Variants in FBN1 observed in about 807,000 individuals in gnomAD.
FBN1 encodes the protein fibrillin 1.
A neutral mutation model predicts 365.1 loss-of-function variants in FBN1; 29 were observed. The observed-to-expected ratio is 0.08, with a 90% CI of 0.06 to 0.11. The LOEUF is 0.11. FBN1 is among the 10% of genes least tolerant of loss of function. The pLI is 1.00. For missense variants in FBN1, 2,476 were observed against 3,703.2 expected, an observed-to-expected ratio of 0.67 and a Z score of 8.60; for synonymous variants, 1,210 against 1,270.5, an observed-to-expected ratio of 0.95 and a Z score of 1.01.
At chr15:48,441,932 G>T in intron 49 of FBN1, 86 bp from the exon 50 acceptor site, 3 of 1,431,462 alleles carry the variant, frequency 2.1e-6, no homozygotes, top group Non-Finnish European at 9.8e-7. Flanking sequence ...CACACAAAGG[G>T]CAACTGAGTT....
intron 4 of FBN1, among the ~76,000 whole-genome samples, chr15:48,605,608 C>T (rs1292379513): frequency 6.6e-6 from 1 of 152,220 alleles, no homozygotes; most frequent in African/African-American, 2.4e-5. Context: ...CACAGTGGCT[C>T]ATGCCTGTAA....
At chr15:48,467,854 A>G in intron 38 of FBN1, 84 bp downstream of exon 38, 1 of 1,225,902 alleles carries the variant, frequency 8.2e-7, no homozygotes, top group Non-Finnish European at 1.2e-6. Context: ...CTCTGATCTA[A>G]GAGTAGAAAA....
chr15:48,592,816 T>C (rs996759211), intron 6 of FBN1, among the ~76,000 whole-genome samples: 5 of 152,152 alleles, frequency 3.3e-5, no homozygotes, highest in African/African-American at 4.8e-5. Context: ...CAATAGGTAG[T>C]GGTGGGGACT....
chr15:48,562,727 T>C (rs189224333), intron 6 of FBN1, among the ~76,000 whole-genome samples: 1 of 152,272 alleles, frequency 6.6e-6, no homozygotes. Context: ...TGCCTGCCCA[T>C]GGTTTGAGGA....
intron 6 of FBN1, among the ~76,000 whole-genome samples, chr15:48,551,820 C>T (rs2044144450): frequency 1.3e-5 from 2 of 152,168 alleles, no homozygotes. Context: ...GCCTCTAGCT[C>T]TATCCATGTC....
At chr15:48,498,236 C>A (rs2043623930) in intron 18 of FBN1, among the ~76,000 whole-genome samples, 1 of 151,902 alleles carries the variant, frequency 6.6e-6, no homozygotes, top group African/African-American at 2.4e-5. Flanking sequence ...ACTCCTTATT[C>A]GTTATAAGTT....
In FBN1 at chr15:48,495,486, G is replaced by A; in HGVS notation, c.2522C>T (p.Thr841Ile). The A allele has an allele frequency of 6.2e-7, 1 of 1,613,900 alleles. No homozygotes were observed. Among genetic ancestry groups the A allele is most frequent in the Non-Finnish European group, 8.5e-7 (1 of 1,179,932 alleles). ...ECSSESTLDP[T>I]KTICIETIKG... The stretch of plus-strand genomic sequence containing the variant: ...ATAAATACCTATGCAGATGGTTTTT[G>A]TTGGATCCAAAGTACTTTCAGAAGA... Residue 841 changes from threonine (T) to isoleucine (I), a missense_variant, in exon 21 of 66, where the codon ACA becomes ATA. Around this residue, in one of 5 missense-constraint regions of FBN1, gnomAD observed 1,780 missense variants for 2,840.8 expected, o/e 0.63. Transcript: ENST00000316623.
In FBN1 at chr15:48,437,922, A is replaced by G. The variant is rs2043085940; in HGVS notation, c.6164-5T>C. 1.9e-6 allele frequency: 3 copies of G among 1,613,420 alleles called. No individual in the cohort carries two copies. The highest frequency in any genetic ancestry group is 3.3e-5 in the Admixed American group (2 of 59,950). On this transcript the variant is annotated splice_region_variant and splice_polypyrimidine_tract_variant and intron_variant, in intron 50 of 65. Coordinates refer to ENST00000316623, the MANE Select transcript of FBN1 (RefSeq NM_000138.5). ...AACAGTAGCTCATTCGCAAATCTGC[A>G]GCATAAATTTATGACACCCTTCAGT...
intron 8 of FBN1, among the ~76,000 whole-genome samples, chr15:48,532,573 G>C (rs918037126): frequency 7.9e-5 from 12 of 151,668 alleles, no homozygotes; most frequent in African/African-American, 2.9e-4. Context: ...CTAGGAAAGA[G>C]GACAATGTAA....
chr15:48,499,095 T>C lies in FBN1; in HGVS notation c.2114-57A>G, dbSNP rs1042027133. The C allele has an allele frequency of 1.5e-5, 23 of 1,569,674 alleles. No individual in the cohort carries two copies. In the Admixed American group the frequency reaches 3.2e-4, roughly 22 times the overall value. The stretch of plus-strand genomic sequence containing the variant: ...CCTTGTTTGCAGAACAGGTAGATCC[T>C]GCCCTTGGTTTTGCACACATCATTT... On this transcript the variant is annotated intron_variant, in intron 17 of 65. Transcript: ENST00000316623.
chr15:48,485,248 A>T, intron 30 of FBN1, 126 bp downstream of exon 30: 1 of 1,212,598 alleles, frequency 8.2e-7, no homozygotes, highest in South Asian at 1.3e-5. Flanking sequence ...TTGATTAAGG[A>T]TACAGTTAAA....
At chr15:48,609,701 C>A (rs1162807818) in intron 4 of FBN1, among the ~76,000 whole-genome samples, 1 of 152,218 alleles carries the variant, frequency 6.6e-6, no homozygotes, top group Non-Finnish European at 1.5e-5. Flanking sequence ...GCCCTGCATG[C>A]AGACCTGGCA....
Position 48,415,564 on chromosome 15 carries a change from G to A in FBN1, c.8023C>T (p.Pro2675Ser). Residue 2675 changes from proline (P) to serine (S), a missense_variant, in exon 64 of 66, where the codon CCA becomes TCA. Transcript: ENST00000316623. ...TGGCCTATGCGGAAGTAACCAGGTG[G>A]ACAGCCACACAGGTAACCGCCCTCG... ...NTEGGYLCGC[P>S]PGYFRIGQGH... The A allele has an allele frequency of 6.2e-7, 1 of 1,614,108 alleles. No individual in the cohort carries two copies. Among genetic ancestry groups the A allele is most frequent in the Non-Finnish European group, 8.5e-7 (1 of 1,179,964 alleles).
In FBN1 at chr15:48,474,317, G is replaced by A; in HGVS notation, c.4148C>T (p.Thr1383Ile). 1 of 1,613,996 alleles carries A rather than the reference G, an allele frequency of 6.2e-7. No individual in the cohort carries two copies. The highest frequency in any genetic ancestry group is 8.5e-7 in the Non-Finnish European group (1 of 1,179,952). The change falls in exon 34 of 66, where the codon ACC (threonine) becomes ATC (isoleucine). Residue 1383 changes from threonine to isoleucine, a missense_variant. By Grantham distance (89) the Thr-to-Ile change is moderately conservative. Coordinates refer to ENST00000316623, the MANE Select transcript of FBN1 (RefSeq NM_000138.5). ...MCSQHADCKN[T>I]MGSYRCLCKE... is the part of the protein sequence containing the mutation. ...GCACAGACAGCGGTAAGATCCCATG[G>A]TATTCTTGCAGTCTGCATGCTGGCT... is the stretch of plus-strand genomic sequence containing the variant.
intron 10 of FBN1, among the ~76,000 whole-genome samples, chr15:48,519,858 G>T (rs2043835752): frequency 6.6e-6 from 1 of 151,490 alleles, no homozygotes; most frequent in African/African-American, 2.5e-5. Context: ...TGCAAGAAAT[G>T]GAGTGAATTG....
chr15:48,498,531 A>G (rs1202004818), intron 18 of FBN1, among the ~76,000 whole-genome samples: 1 of 152,154 alleles, frequency 6.6e-6, no homozygotes, highest in Non-Finnish European at 1.5e-5. Context: ...AACTCAGTTA[A>G]TTGTTGTCAC....
chr15:48,412,932 A>G lies in FBN1; in HGVS notation c.8052-189T>C, dbSNP rs147284643. ...TGGCCTCTAATTCCCAGTTCCCTGA[A>G]TGTATTGATTTCCTTCTACTGCCTA... On this transcript the variant is annotated intron_variant, in intron 64 of 65. Transcript: ENST00000316623. Among the ~76,000 whole-genome samples, 727 of 152,308 alleles carry G rather than the reference A, an allele frequency of 4.8e-3. No homozygotes were observed. The highest frequency in any genetic ancestry group is 0.017 in the African/African-American group (691 of 41,558).
chr15:48,471,345 G>A (rs1464106225), intron 35 of FBN1, among the ~76,000 whole-genome samples: 2 of 152,088 alleles, frequency 1.3e-5, no homozygotes, highest in Admixed American at 6.5e-5. Context: ...GCTTTAAATA[G>A]CCATGACCAC....
intron 49 of FBN1, among the ~76,000 whole-genome samples, chr15:48,443,895 G>A (rs1360562638): frequency 6.6e-6 from 1 of 152,098 alleles, no homozygotes; most frequent in Non-Finnish European, 1.5e-5. Context: ...AGCCAGGCAT[G>A]GTGGCACATG....
Sources: allele counts gnomAD v4.1 joint callset (sites outside exome capture counted in the v4.1 genomes callset), GRCh38; gene constraint gnomAD v4.1.1; regional missense constraint gnomAD v4.1.1; transcripts MANE v1.5; gene names NCBI Gene and HGNC (gene_info 2026-07-23, HGNC 2026-07-21).